The following WFDC1 variants were observed in gnomAD, a reference collection of about 807,000 sequenced individuals.
WFDC1 encodes the protein WAP four-disulfide core domain 1, also known as WAP four-disulfide core domain protein 1.
In WFDC1, 39 loss-of-function variants were observed where a neutral mutation model predicts 32.9. The ratio of observed to expected loss-of-function variants is 1.19; its 90% confidence interval spans 0.92 to 1.55. The LOEUF (loss-of-function observed/expected upper bound fraction) is 1.55, where lower values mean the gene tolerates loss of function less well. WFDC1 is among the 40% of genes most tolerant of loss of function. The pLI, the probability that WFDC1 is intolerant of heterozygous loss-of-function variation, is 0.00. For missense variants in WFDC1, 386 were observed against 309.5 expected (o/e 1.25, Z -1.85); for synonymous variants, 184 against 137.4 (o/e 1.34, Z -2.37).
At chr16:84,310,827 C>G (rs1169364880) in intron 1 of WFDC1, among the ~76,000 whole-genome samples, 1 of 152,138 alleles carries the variant, frequency 6.6e-6, no homozygotes, top group African/African-American at 2.4e-5. Flanking sequence ...ACCTTAAAGG[C>G]AGGTTTTCAT....
At chr16:84,324,884 C>T (rs1441696468) in intron 5 of WFDC1, among the ~76,000 whole-genome samples, 1 of 152,032 alleles carries the variant, frequency 6.6e-6, no homozygotes, top group East Asian at 1.9e-4. Context: ...TCCACCGATT[C>T]ATCCATCCAT....
intron 4 of WFDC1, among the ~76,000 whole-genome samples, chr16:84,321,635 C>A (rs559013798): frequency 6.6e-6 from 1 of 152,300 alleles, no homozygotes; most frequent in Admixed American, 6.5e-5. Flanking sequence ...AAAAAAATTC[C>A]CATTTCAAGA....
At chr16:84,304,898 G>T (rs3785042) in intron 1 of WFDC1, among the ~76,000 whole-genome samples, 22 of 152,194 alleles carry the variant, frequency 1.4e-4, no homozygotes, top group South Asian at 6.2e-4. Flanking sequence ...CACTTTGGGA[G>T]GGGGAGAGAG....
intron 4 of WFDC1, among the ~76,000 whole-genome samples, chr16:84,323,641 G>C (rs1009836205): frequency 8.5e-5 from 13 of 152,214 alleles, no homozygotes; most frequent in Non-Finnish European, 1.6e-4. Flanking sequence ...TTTTAGGAGA[G>C]GAAACTGAGG....
At chr16:84,312,828 G>C in intron 1 of WFDC1, 133 bp from the exon 2 acceptor site, 1 of 421,248 alleles carries the variant, frequency 2.4e-6, no homozygotes, top group Non-Finnish European at 3.4e-6. Context: ...GGCTCTGCCT[G>C]CTTGCTGTTT....
At chr16:84,295,800 C>CCAA (rs1906561881) in intron 1 of WFDC1, 1 of 152,322 alleles carries the variant, frequency 6.6e-6, no homozygotes, top group African/African-American at 2.4e-5. Flanking sequence ...AGCTGCTTGA[C>CCAA]GTCTCTGAAC....
intron 1 of WFDC1, among the ~76,000 whole-genome samples, chr16:84,307,314 CTT>C (rs1907322335): frequency 6.6e-6 from 1 of 152,190 alleles, no homozygotes; most frequent in East Asian, 1.9e-4. Context: ...TTAGAACCCT[CTT>C]TGAGTGTCAC....
intron 1 of WFDC1, among the ~76,000 whole-genome samples, chr16:84,299,732 G>A (rs561869691): frequency 6.6e-6 from 1 of 152,226 alleles, no homozygotes; most frequent in African/African-American, 2.4e-5. Flanking sequence ...GTGACTGTGG[G>A]TCTGTTTTCC....
intron 2 of WFDC1, among the ~76,000 whole-genome samples, chr16:84,315,121 GC>G (rs1907872137): frequency 6.6e-6 from 1 of 152,164 alleles, no homozygotes; most frequent in African/African-American, 2.4e-5. Context: ...GGAATGTGGA[GC>G]CCCTGCCCTG....
rs34066941 is a variant in WFDC1, at chr16:84,303,478, T to TAA, written c.144+8376_144+8377dup. On this transcript the variant is annotated intron_variant, in intron 1 of 6. Transcript: ENST00000219454. ...ATTATTAAAAGAATGATGTTTACTG[T>TAA]AAAAAAAAAAAAAAGTCAGGCAACA... Among the ~76,000 whole-genome samples the TAA allele has an allele frequency of 2.0e-4, 29 of 142,402 alleles. No individual in the cohort carries two copies. The South Asian group carries it at 2.4e-3, about 12-fold the overall frequency. The allele number at this position is 142,402 out of a possible 152,430, so 93.4% of individuals were successfully genotyped here. A position where few individuals can be genotyped will look rare whatever the true frequency, so the allele number is the denominator to read the frequency against.
At chr16:84,303,745 T>G (rs893150439) in intron 1 of WFDC1, among the ~76,000 whole-genome samples, 1 of 152,252 alleles carries the variant, frequency 6.6e-6, no homozygotes, top group South Asian at 2.1e-4. Flanking sequence ...CTCAGAGTCA[T>G]GCAACCGTCC....
chr16:84,304,536 T>C (rs184272869), intron 1 of WFDC1, among the ~76,000 whole-genome samples: 17 of 152,256 alleles, frequency 1.1e-4, no homozygotes, highest in Middle Eastern at 3.4e-3. Context: ...CCAGGAATCA[T>C]TTTTATCCAG....
intron 6 of WFDC1, chr16:84,327,636 G>A (rs17739607): frequency 0.099 from 15,010 of 152,290 alleles, 866 homozygotes; most frequent in East Asian, 0.17. Flanking sequence ...AGGCAGGAAC[G>A]TAGGAGAACT....
intron 5 of WFDC1, chr16:84,325,704 A>G (rs1418064446): frequency 6.6e-6 from 1 of 151,914 alleles, no homozygotes; most frequent in Non-Finnish European, 1.5e-5. Flanking sequence ...CGATCTATTC[A>G]TCCATCTGTT....
In WFDC1 at chr16:84,298,459, T is replaced by G. The variant is rs375127486; in HGVS notation, c.144+3344T>G. Among the ~76,000 whole-genome samples, 6 of 152,322 alleles carry G rather than the reference T, an allele frequency of 3.9e-5. No individual in the cohort carries two copies. In the East Asian group the frequency reaches 1.2e-3, roughly 29 times the overall value. On this transcript the variant is annotated intron_variant, in intron 1 of 6. Transcript: ENST00000219454. ...GTATTGCTCCGTTTTGCTATTCTCT[T>G]GGCTCCTGGGGTTTTATGTCTTTTG...
rs1433014358 is a variant in WFDC1 at position 84,324,410 on chromosome 16, G to A, written c.563-9G>A. The A allele has an allele frequency of 1.2e-6, 2 of 1,613,362 alleles. No homozygotes were observed. Among genetic ancestry groups the A allele is most frequent in the Non-Finnish European group, 1.7e-6 (2 of 1,179,862 alleles). On this transcript the variant is annotated splice_polypyrimidine_tract_variant and intron_variant, in intron 4 of 6. Transcript: ENST00000219454. ...TAAAAGAAGTTTTTTCCTCTCACTT[G>A]TTTTCCAGATGGGCGAATCCTACGA...
chr16:84,311,747 G>T, intron 1 of WFDC1, among the ~76,000 whole-genome samples: 1 of 137,972 alleles, frequency 7.2e-6, no homozygotes, highest in South Asian at 2.3e-4. Flanking sequence ...ATGTTGGCCA[G>T]CCTGGTCTCA....
At chr16:84,317,962 G>T in intron 2 of WFDC1, 1 of 298,098 alleles carries the variant, frequency 3.4e-6, no homozygotes, top group East Asian at 6.8e-5. Flanking sequence ...GGAAGGAAAA[G>T]AGGGAGGGAG....
chr16:84,304,173 C>T (rs1907108786), intron 1 of WFDC1, among the ~76,000 whole-genome samples: 1 of 152,212 alleles, frequency 6.6e-6, no homozygotes, highest in Admixed American at 6.5e-5. Context: ...GGGCATTTCC[C>T]CACCTGCTTC....
Sources: allele counts gnomAD v4.1 joint callset (sites outside exome capture counted in the v4.1 genomes callset), GRCh38; gene constraint gnomAD v4.1.1; transcripts MANE v1.5; gene names NCBI Gene and HGNC (gene_info 2026-07-23, HGNC 2026-07-21).